Variants in SH2B3 observed in about 807,000 individuals in gnomAD.
SH2B3 encodes the protein SH2B adaptor protein 3, also known as SH2B adapter protein 3.
In SH2B3, 43 loss-of-function variants were observed where a neutral mutation model predicts 51.9. The ratio of observed to expected loss-of-function variants is 0.83; its 90% CI spans 0.65 to 1.07. The LOEUF (loss-of-function observed/expected upper bound fraction) is 1.07. Among genes scored for constraint, SH2B3 ranks in the 50% least tolerant of loss-of-function variants. The pLI is 0.00. For missense variants in SH2B3, 952 were observed against 834.3 expected (o/e 1.14, Z -1.74); for synonymous variants, 396 against 376.0 (o/e 1.05, Z -0.62).
intron 2 of SH2B3, among the ~76,000 whole-genome samples, chr12:111,439,390 C>A (rs1873192923): frequency 6.6e-6 from 1 of 152,190 alleles, no homozygotes; most frequent in African/African-American, 2.4e-5. Context: ...CTCAGGTGAT[C>A]TGCCTTGCCT....
At chr12:111,442,420 A>G (rs1350479134) in intron 2 of SH2B3, among the ~76,000 whole-genome samples, 1 of 151,410 alleles carries the variant, frequency 6.6e-6, no homozygotes, top group Non-Finnish European at 1.5e-5. Flanking sequence ...GGTGTGGCAG[A>G]GGCGTGGCTG....
At chr12:111,405,539 T>G (rs1047437160), upstream of SH2B3, among the ~76,000 whole-genome samples, 4 of 150,716 alleles carry the variant, frequency 2.7e-5, no homozygotes, top group African/African-American at 9.7e-5. This position sits in a 1 kb window ranked among gnomAD's most constrained non-coding sequence, Gnocchi z 5.4. Context: ...CCCCTTCATC[T>G]GGCCCCGCCT....
chr12:111,431,398 CTT>C (rs1872483853), intron 2 of SH2B3, among the ~76,000 whole-genome samples: 1 of 152,120 alleles, frequency 6.6e-6, no homozygotes, highest in South Asian at 2.1e-4. Context: ...AGGAAACTGT[CTT>C]TAACTTGCCG....
In SH2B3 at chr12:111,434,681, A is replaced by C. The variant is rs1006847387; in HGVS notation, c.733-12072A>C. On this transcript the variant is annotated intron_variant, in intron 2 of 7. Coordinates refer to ENST00000341259, the MANE Select transcript of SH2B3 (RefSeq NM_005475.3). The stretch of plus-strand genomic sequence containing the variant: ...CCTTTCCCCACCCAGGATCAGATAA[A>C]TAATTATTTAGGTTTTATTCTAGTT... 8 of 643,696 alleles carry C rather than the reference A, an allele frequency of 1.2e-5. No individual in the cohort carries two copies. In the African/African-American group the frequency reaches 1.6e-4, roughly 13 times the overall value. 39.9% of individuals were successfully genotyped at this position (643,696 alleles called of 1,614,324 possible). A position where few individuals can be genotyped will look rare whatever the true frequency, so the allele number is the denominator to read the frequency against.
chr12:111,442,194 G>A (rs535786491), intron 2 of SH2B3, among the ~76,000 whole-genome samples: 34 of 152,308 alleles, frequency 2.2e-4, no homozygotes, highest in African/African-American at 8.2e-4. Context: ...GACAGGATCT[G>A]GAATTTGCTC....
At chr12:111,442,852 C>T (rs1287469442) in intron 2 of SH2B3, among the ~76,000 whole-genome samples, 1 of 152,238 alleles carries the variant, frequency 6.6e-6, no homozygotes, top group African/African-American at 2.4e-5. Flanking sequence ...CACCAGAGCT[C>T]TGGCCTTTGA....
chr12:111,427,388 GAAAAAAAAAAAAAAA>G (rs557658468), intron 2 of SH2B3, among the ~76,000 whole-genome samples: 3 of 83,042 alleles, frequency 3.6e-5, no homozygotes, highest in African/African-American at 7.5e-5. Context: ...TCCATCTCAG[GAAAAAAAAAAAAAAA>G]AAAAAAAAAA....
At chr12:111,434,629 A>G in intron 2 of SH2B3, 2 of 253,144 alleles carry the variant, frequency 7.9e-6, no homozygotes, top group Non-Finnish European at 1.2e-5. Flanking sequence ...TTATGGTTTT[A>G]TTCTTTGCTT....
At chr12:111,417,657 A>G (rs7299849) in intron 1 of SH2B3, among the ~76,000 whole-genome samples, 3 of 151,464 alleles carry the variant, frequency 2.0e-5, no homozygotes, top group African/African-American at 7.3e-5. Context: ...GGCTTTCACC[A>G]TGTTGCCCAG....
At position 111,448,426 on chromosome 12, in the gene SH2B3, C is replaced by T. The variant is rs902688303; in HGVS notation, c.*124C>T. On this transcript the variant is annotated 3_prime_UTR_variant, in exon 8 of 8. Transcript: ENST00000341259. ...GATTTAAGGGACACTGTTAACTGCT[C>T]GTGCCAGTTTGGAAGTGACCCTTCT... 23 of 787,980 alleles carry T rather than the reference C, an allele frequency of 2.9e-5. No homozygotes were observed. The highest frequency in any genetic ancestry group is 4.2e-5 in the Non-Finnish European group (21 of 500,272). The allele number at this position is 787,980 out of a possible 1,614,324, so 48.8% of individuals were successfully genotyped here.
chr12:111,410,402 C>G lies in SH2B3; in HGVS notation c.-28+4125C>G, dbSNP rs1358560343. 1.3e-5 allele frequency among the ~76,000 whole-genome samples: 2 copies of G among 152,078 alleles called. No homozygotes were observed. The highest frequency in any genetic ancestry group is 2.9e-5 in the Non-Finnish European group (2 of 67,948). On this transcript the variant is annotated intron_variant, in intron 1 of 7. Coordinates refer to ENST00000341259, the MANE Select transcript of SH2B3 (RefSeq NM_005475.3). The surrounding 1 kb of genome is among the most constrained non-coding windows in gnomAD (Gnocchi z 4.9). ...AGGAGGTTCACCCACAGGCTGCCCT[C>G]CTAGGGTCTCCCCTGTCTGCCCTCA...
chr12:111,424,742 G>A (rs2135559502), intron 2 of SH2B3, among the ~76,000 whole-genome samples: 1 of 152,320 alleles, frequency 6.6e-6, no homozygotes, highest in South Asian at 2.1e-4. Flanking sequence ...CTGTGTCCAG[G>A]TGATGGGCCA....
intron 1 of SH2B3, among the ~76,000 whole-genome samples, chr12:111,408,264 A>G (rs574559387): frequency 3.9e-5 from 6 of 152,170 alleles, no homozygotes; most frequent in African/African-American, 1.2e-4. Flanking sequence ...CCTACTTCCT[A>G]GAGTCATGGG....
chr12:111,442,258 C>T (rs1873484401), intron 2 of SH2B3, among the ~76,000 whole-genome samples: 1 of 152,166 alleles, frequency 6.6e-6, no homozygotes, highest in Admixed American at 6.5e-5. Context: ...GTCAACAGGA[C>T]CTGCTTACGG....
rs892189085 is a variant in SH2B3, at chr12:111,418,615, C to G, written c.470C>G (p.Ala157Gly). The G allele has an allele frequency of 6.7e-7, 1 of 1,483,902 alleles. No individual in the cohort carries two copies. The allele number at this position is 1,483,902 out of a possible 1,614,324, so 91.9% of individuals were successfully genotyped here. The change falls in exon 2 of 8, where the codon GCC becomes GGC. Residue 157 changes from alanine (A) to glycine (G), a missense_variant. Ala to Gly is a moderately conservative substitution (Grantham distance 60). Transcript: ENST00000341259. The surrounding 1 kb of genome is among the most constrained non-coding windows in gnomAD (Gnocchi z 6.7). ...CGCTCGGCCGGGGAGCTGCCAGCGG[C>G]CCACACCGCTGCCGCCCCCGGGACC... is the stretch of plus-strand genomic sequence containing the variant. ...RRRSAGELPA[A>G]HTAAAPGTPG...
chr12:111,437,143 G>T (rs553985252), intron 2 of SH2B3, among the ~76,000 whole-genome samples: 1 of 152,272 alleles, frequency 6.6e-6, no homozygotes, highest in East Asian at 1.9e-4. Flanking sequence ...TCCCAGTAGG[G>T]GCCCAGCCCT....
intron 2 of SH2B3, among the ~76,000 whole-genome samples, chr12:111,439,451 A>C (rs1294597870): frequency 6.7e-6 from 1 of 149,092 alleles, no homozygotes; most frequent in East Asian, 2.0e-4. Flanking sequence ...CACCTGGCCT[A>C]ATTTTTGTAT....
intron 2 of SH2B3, among the ~76,000 whole-genome samples, chr12:111,424,325 G>A (rs1296484760): frequency 3.9e-5 from 6 of 151,954 alleles, no homozygotes; most frequent in South Asian, 2.1e-4. Context: ...TGGGGAGAGC[G>A]CATGTGCCAC....
intron 1 of SH2B3, among the ~76,000 whole-genome samples, chr12:111,412,452 C>G (rs1870778124): frequency 6.6e-6 from 1 of 152,264 alleles, no homozygotes; most frequent in African/African-American, 2.4e-5. Flanking sequence ...GCAGGCCCCC[C>G]TGTGGCTTCC....
Sources: allele counts gnomAD v4.1 joint callset (sites outside exome capture counted in the v4.1 genomes callset), GRCh38; gene constraint gnomAD v4.1.1; non-coding constraint Gnocchi (gnomAD v3.1); transcripts MANE v1.5; gene names NCBI Gene and HGNC (gene_info 2026-07-23, HGNC 2026-07-21).